The following CNTNAP2 variants were observed in gnomAD, a reference collection of about 807,000 sequenced individuals.
The protein encoded by CNTNAP2 is contactin associated protein 2, also known as contactin-associated protein-like 2.
In CNTNAP2, 98 loss-of-function variants were observed where a neutral mutation model predicts 155.2. That is an observed-to-expected ratio of 0.63 (90% CI 0.54 to 0.75). CNTNAP2 has a LOEUF of 0.75. Among genes scored for constraint, CNTNAP2 ranks in the 30% least tolerant of loss-of-function variants. The probability of loss-of-function intolerance (pLI) is 0.00; values close to 1 mark genes in which losing one functional copy is unlikely to be tolerated. For missense variants in CNTNAP2, 1,727 were observed against 1,688.1 expected (o/e 1.02, Z -0.40); for synonymous variants, 651 against 631.2 (o/e 1.03, Z -0.47).
At chr7:147,658,117 C>T (rs1303143213) in intron 13 of CNTNAP2, among the ~76,000 whole-genome samples, 1 of 144,152 alleles carries the variant, frequency 6.9e-6, no homozygotes, top group African/African-American at 2.5e-5. Context: ...ATTAGCCGGG[C>T]GTAGTGGCGG....
intron 5 of CNTNAP2, among the ~76,000 whole-genome samples, chr7:147,110,357 C>A (rs923864978): frequency 2.1e-5 from 3 of 146,266 alleles, no homozygotes; most frequent in South Asian, 2.1e-4. Context: ...AGTAATGGTA[C>A]CTTTTTCTTT....
chr7:148,134,645 T>C (rs79461837), intron 16 of CNTNAP2, among the ~76,000 whole-genome samples: 287 of 152,312 alleles, frequency 1.9e-3, no homozygotes, highest in African/African-American at 4.2e-3. Flanking sequence ...TCGTATACAA[T>C]AAAATAATAT....
chr7:146,808,466 T>A (rs1285665667), intron 2 of CNTNAP2, among the ~76,000 whole-genome samples: 2 of 152,202 alleles, frequency 1.3e-5, no homozygotes, highest in East Asian at 3.8e-4. Flanking sequence ...ATTGTGCTGA[T>A]TTTGCTCACT....
At chr7:147,756,277 AAT>A (rs1458978718) in intron 13 of CNTNAP2, among the ~76,000 whole-genome samples, 2 of 152,242 alleles carry the variant, frequency 1.3e-5, no homozygotes, top group African/African-American at 4.8e-5. Flanking sequence ...CATGCTAACA[AAT>A]ATGTTTTCTG....
At chr7:146,804,393 T>C (rs1802932058) in intron 2 of CNTNAP2, among the ~76,000 whole-genome samples, 1 of 152,196 alleles carries the variant, frequency 6.6e-6, no homozygotes, top group African/African-American at 2.4e-5. Flanking sequence ...TTATTGAATG[T>C]TTCTTGCTAA....
chr7:147,510,544 A>G (rs1361649825), intron 11 of CNTNAP2, among the ~76,000 whole-genome samples: 1 of 151,830 alleles, frequency 6.6e-6, no homozygotes, highest in Admixed American at 6.6e-5. Context: ...TACATTGAAC[A>G]TGTATTTGTG....
rs541573471 is a variant in CNTNAP2, at chr7:147,826,157, G to A, written c.2099-77408G>A. 6.6e-5 allele frequency among the ~76,000 whole-genome samples: 10 copies of A among 152,260 alleles called. No homozygotes were observed. In the South Asian group the frequency reaches 1.2e-3, roughly 19 times the overall value. On this transcript the variant is annotated intron_variant, in intron 13 of 23. Coordinates refer to ENST00000361727, the MANE Select transcript of CNTNAP2 (RefSeq NM_014141.6). ...ACAGCAATATGCCAGTTGTGTGAAG[G>A]ATGAGTTTAGAGAAAGACTGAAGCT...
chr7:146,367,827 A>G (rs760024468), intron 1 of CNTNAP2, among the ~76,000 whole-genome samples: 3 of 152,092 alleles, frequency 2.0e-5, no homozygotes, highest in Admixed American at 6.6e-5. Context: ...TTCAATATCA[A>G]TATATGAGGA....
rs376817827 is a variant in CNTNAP2 at position 146,759,681 on chromosome 7, C to CA, written c.98-14560dup. Among the ~76,000 whole-genome samples, 410 of 54,592 alleles carry CA rather than the reference C, an allele frequency of 7.5e-3. 29 individuals carry two copies. The highest frequency in any genetic ancestry group is 0.013 in the Non-Finnish European group (277 of 21,296). The allele number at this position is 54,592 out of a possible 152,430, so 35.8% of individuals were successfully genotyped here. A position where few individuals can be genotyped will look rare whatever the true frequency, so the allele number is the denominator to read the frequency against. ...CATCCTGGCAACACAGTGAGACTGT[C>CA]AAAAAAAAAAAAAAAAAAAAAAAAA... On this transcript the variant is annotated intron_variant, in intron 1 of 23. Transcript: ENST00000361727.
At chr7:148,356,047 T>C (rs1172943670) in intron 21 of CNTNAP2, among the ~76,000 whole-genome samples, 1 of 152,230 alleles carries the variant, frequency 6.6e-6, no homozygotes, top group Non-Finnish European at 1.5e-5. Flanking sequence ...GAAAAGACAA[T>C]TCTGTGCACA....
chr7:147,183,541 A>G (rs1445417827), intron 8 of CNTNAP2, among the ~76,000 whole-genome samples: 1 of 151,862 alleles, frequency 6.6e-6, no homozygotes, highest in Non-Finnish European at 1.5e-5. Flanking sequence ...TCATTGACAT[A>G]TTCAGCCACT....
At chr7:147,782,967 T>G (rs1188214593) in intron 13 of CNTNAP2, among the ~76,000 whole-genome samples, 1 of 152,184 alleles carries the variant, frequency 6.6e-6, no homozygotes, top group Non-Finnish European at 1.5e-5. Flanking sequence ...AATTAAGAAA[T>G]TTGAAACCAT....
intron 14 of CNTNAP2, among the ~76,000 whole-genome samples, chr7:147,930,314 C>A (rs7806307): frequency 0.028 from 4,314 of 152,102 alleles, 206 homozygotes; most frequent in African/African-American, 0.098. Flanking sequence ...ACAAAAGATC[C>A]AATTAAATAC....
chr7:147,998,103 C>CTTTTTT (rs71188938), intron 15 of CNTNAP2, among the ~76,000 whole-genome samples: 30 of 75,804 alleles, frequency 4.0e-4, no homozygotes, highest in Non-Finnish European at 4.9e-4. Context: ...TTTCTTTTTT[C>CTTTTTT]TTTTTTTTTT....
intron 1 of CNTNAP2, among the ~76,000 whole-genome samples, chr7:146,126,225 C>T (rs1259010975): frequency 2.0e-5 from 3 of 152,120 alleles, no homozygotes; most frequent in Non-Finnish European, 4.4e-5. Flanking sequence ...TTTCAGCTTA[C>T]ATCTAGGCAA....
rs528119788 is a variant in CNTNAP2 at position 147,531,703 on chromosome 7, G to A, written c.1778-30435G>A. Among the ~76,000 whole-genome samples the A allele has an allele frequency of 5.5e-4, 82 of 150,010 alleles. 2 individuals are homozygous for A. The highest frequency in any genetic ancestry group is 2.0e-3 in the African/African-American group (81 of 40,902). On this transcript the variant is annotated intron_variant, in intron 11 of 23. Transcript: ENST00000361727. ...GTGAAGGTCTTTGACATGACCTGGA[G>A]ACATTTTCCCCATGGTCTTGGGGAT...
chr7:147,144,974 T>A (rs917781234), intron 8 of CNTNAP2, among the ~76,000 whole-genome samples: 8 of 152,228 alleles, frequency 5.3e-5, no homozygotes, highest in African/African-American at 1.9e-4. Context: ...AATTGAGTGC[T>A]ATAATGTCTC....
intron 9 of CNTNAP2, among the ~76,000 whole-genome samples, chr7:147,310,536 A>G (rs1403363101): frequency 1.3e-5 from 2 of 152,216 alleles, no homozygotes; most frequent in Non-Finnish European, 2.9e-5. Context: ...GCTCTTAAGT[A>G]GAGAAACTAC....
intron 13 of CNTNAP2, among the ~76,000 whole-genome samples, chr7:147,886,184 C>G (rs1056364558): frequency 6.6e-6 from 1 of 152,020 alleles, no homozygotes; most frequent in African/African-American, 2.4e-5. Context: ...ATTAAAGATG[C>G]GGTTCTGGCT....
Sources: gnomAD v4.1 joint callset for allele counts (sites outside exome capture counted in the v4.1 genomes callset) on GRCh38, gnomAD v4.1.1 for gene constraint, MANE v1.5 for transcripts, NCBI Gene and HGNC (gene_info 2026-07-23, HGNC 2026-07-21) for gene names.